Variants in AKR7A3 observed in about 807,000 individuals in gnomAD.
AKR7A3 encodes the protein AFB1 aldehyde reductase 2.
A neutral mutation model predicts 32.5 loss-of-function variants in AKR7A3; 37 were observed. That is an observed-to-expected ratio of 1.14 (90% CI 0.88 to 1.50). The LOEUF (loss-of-function observed/expected upper bound fraction) is 1.50. AKR7A3 is among the 40% of genes most tolerant of loss of function. The pLI, the probability that AKR7A3 is intolerant of heterozygous loss-of-function variation, is 0.00. For synonymous variants in AKR7A3, 177 were observed against 188.4 expected, an observed-to-expected ratio of 0.94 and a Z score of 0.50; for missense variants, 412 against 453.2, an observed-to-expected ratio of 0.91 and a Z score of 0.83.
At chr1:19,276,050 A>T in the AKR7A3 span, among the ~76,000 whole-genome samples, 50 of 151,914 alleles carry the variant, frequency 3.3e-4, 1 homozygote, top group African/African-American at 1.2e-3. Flanking sequence ...TAATTTACAG[A>T]AACTCGGTAA....
At position 19,282,817 on chromosome 1, in the gene AKR7A3, C is replaced by T; in HGVS notation, c.910G>A (p.Glu304Lys). The T allele has an allele frequency of 5.6e-6, 9 of 1,613,408 alleles. No homozygotes were observed. Among genetic ancestry groups the T allele is most frequent in the Non-Finnish European group, 7.6e-6 (9 of 1,180,002 alleles). The change falls in exon 7 of 7, where the codon GAA becomes AAA. Residue 304 changes from glutamate (E) to lysine (K), a missense_variant. Physicochemically the swap from Glu to Lys is moderately conservative, Grantham distance 56. Coordinates refer to ENST00000361640, the MANE Select transcript of AKR7A3 (RefSeq NM_012067.3). ...QLEQNLAAAE[E>K]GPLEPAVVDA... ...ACGACAGCCGGCTCCAGGGGCCCTT[C>T]CTCTGCCGCTGCCAAGTTCTGCTCC...
At chr1:19,285,140 G>A in intron 3 of AKR7A3, 26 bp from the exon 4 acceptor site, 1 of 1,608,628 alleles carries the variant, frequency 6.2e-7, no homozygotes, top group East Asian at 2.2e-5. Flanking sequence ...CCCCGGGGGA[G>A]AGGGTGGATG....
At chr1:19,280,839 G>C (rs760487300), downstream of AKR7A3, among the ~76,000 whole-genome samples, 3 of 151,764 alleles carry the variant, frequency 2.0e-5, no homozygotes, top group South Asian at 2.1e-4. Flanking sequence ...CAAAGTGCTG[G>C]GATTACAGGT....
chr1:19,284,541 G>A lies in AKR7A3; in HGVS notation c.704+145C>T, dbSNP rs558085391. ...GAGGTCCCAAGACAACAAGAAAACC[G>A]ATGGAGGGTTTGGAAATTCCCGAAG... On this transcript the variant is annotated intron_variant, in intron 5 of 6. Coordinates refer to ENST00000361640, the MANE Select transcript of AKR7A3 (RefSeq NM_012067.3). 453 of 924,154 alleles carry A rather than the reference G, an allele frequency of 4.9e-4. 8 individuals carry two copies. The African/African-American group carries it at 6.8e-3, about 14-fold the overall frequency. The allele number at this position is 924,154 out of a possible 1,614,324, so 57.2% of individuals were successfully genotyped here.
downstream of AKR7A3, among the ~76,000 whole-genome samples, chr1:19,281,146 T>C (rs746360981): frequency 6.6e-6 from 1 of 150,660 alleles, no homozygotes; most frequent in Non-Finnish European, 1.5e-5. Context: ...ATTCAAGCAA[T>C]TCTCCCTGCC....
the AKR7A3 span, among the ~76,000 whole-genome samples, chr1:19,274,484 G>C: frequency 5.9e-5 from 9 of 151,892 alleles, no homozygotes; most frequent in African/African-American, 2.2e-4. Flanking sequence ...CCAGGAGGGA[G>C]CTTAACGGGT....
Position 19,285,827 on chromosome 1 carries a change from A to G in AKR7A3, c.507+61T>C, listed in dbSNP as rs375399332. The G allele has an allele frequency of 1.4e-4, 217 of 1,603,338 alleles. No homozygotes were observed. The East Asian group carries it at 4.2e-3, about 31-fold the overall frequency. ...GGCACAGGGGGCAGTCAGAGGGGCA[A>G]AGACAGCCCAGGATGAGCAGGAGTT... On this transcript the variant is annotated intron_variant, in intron 3 of 6. Coordinates refer to ENST00000361640, the MANE Select transcript of AKR7A3 (RefSeq NM_012067.3).
At chr1:19,279,532 T>G (rs2093715822), downstream of AKR7A3, among the ~76,000 whole-genome samples, 1 of 151,956 alleles carries the variant, frequency 6.6e-6, no homozygotes, top group Non-Finnish European at 1.5e-5. Context: ...TTGTACCATT[T>G]TACATTCCCA....
intron 6 of AKR7A3, among the ~76,000 whole-genome samples, chr1:19,283,730 C>A (rs1309737297): frequency 1.3e-5 from 2 of 151,810 alleles, no homozygotes; most frequent in Non-Finnish European, 2.9e-5. Flanking sequence ...ACTGGGGAGG[C>A]TGAGACAAGA....
At chr1:19,284,837 C>T in intron 4 of AKR7A3, 52 bp from the exon 5 acceptor site, 1 of 1,595,220 alleles carries the variant, frequency 6.3e-7, no homozygotes, top group Admixed American at 1.7e-5. Flanking sequence ...CAGAAGCTGC[C>T]ACATCCCTCA....
the AKR7A3 span, among the ~76,000 whole-genome samples, chr1:19,276,881 G>GAGA: frequency 6.6e-6 from 1 of 151,786 alleles, no homozygotes; most frequent in Non-Finnish European, 1.5e-5. Context: ...GGAGGTTGAG[G>GAGA]CAGGCAGATC....
intron 3 of AKR7A3, among the ~76,000 whole-genome samples, 198 bp downstream of exon 3, chr1:19,285,690 G>C (rs976823324): frequency 6.6e-6 from 1 of 151,624 alleles, no homozygotes; most frequent in Non-Finnish European, 1.5e-5. Flanking sequence ...TGCACAGATA[G>C]GCAGGAAGGA....
At chr1:19,278,140 T>C (rs1211562110), downstream of AKR7A3, among the ~76,000 whole-genome samples, 1 of 151,854 alleles carries the variant, frequency 6.6e-6, no homozygotes, top group Non-Finnish European at 1.5e-5. Context: ...AGTTTTTTTG[T>C]GTGTGGTATG....
At chr1:19,283,130 G>A (rs1454391834) in intron 6 of AKR7A3, among the ~76,000 whole-genome samples, 5 of 148,642 alleles carry the variant, frequency 3.4e-5, no homozygotes, top group Admixed American at 1.4e-4. Flanking sequence ...CCCCCCAGCA[G>A]CTGTGTAAAC....
rs2995180 is a variant in AKR7A3, at chr1:19,285,882, T to C, written c.507+6A>G. The C allele has an allele frequency of 5.8e-5, 93 of 1,613,486 alleles. No individual in the cohort carries two copies. Among genetic ancestry groups the C allele is most frequent in the South Asian group, 5.6e-4 (51 of 90,992 alleles). ...AGACCTTGGCCTCTGCAGCCCTGGC[T>C]CTCACCTGGTACACAGTGGGCAGGA... On this transcript the variant is annotated splice_donor_region_variant and intron_variant, in intron 3 of 6. Coordinates refer to ENST00000361640, the MANE Select transcript of AKR7A3 (RefSeq NM_012067.3).
In AKR7A3 at chr1:19,282,664, A is replaced by T; in HGVS notation, c.*67T>A. 1.2e-6 allele frequency: 2 copies of T among 1,611,564 alleles called. No homozygotes were observed. The highest frequency in any genetic ancestry group is 2.2e-5 in the East Asian group (1 of 44,848). On this transcript the variant is annotated 3_prime_UTR_variant, in exon 7 of 7. Transcript: ENST00000361640. The stretch of plus-strand genomic sequence containing the variant: ...TAAGAATTTACTGAGGCAGTTCTAA[A>T]TTAAAGAAAATGTGAGTAACAAAAG...
chr1:19,287,687 G>A (rs1158166504), intron 1 of AKR7A3, among the ~76,000 whole-genome samples: 4 of 152,046 alleles, frequency 2.6e-5, no homozygotes, highest in African/African-American at 9.7e-5. Flanking sequence ...CCACACCCAT[G>A]CCCACTGCCC....
intron 1 of AKR7A3, among the ~76,000 whole-genome samples, chr1:19,287,174 T>C (rs2093732075): frequency 6.6e-6 from 1 of 151,294 alleles, no homozygotes; most frequent in South Asian, 2.1e-4. Flanking sequence ...CCGGGTGTGG[T>C]GCTACTGTAG....
chr1:19,277,612 C>T (rs2093713118), downstream of AKR7A3, among the ~76,000 whole-genome samples: 1 of 151,376 alleles, frequency 6.6e-6, no homozygotes. Flanking sequence ...ATCTCGGTGT[C>T]CCAGGTTCAA....
Sources: allele counts gnomAD v4.1 joint callset (sites outside exome capture counted in the v4.1 genomes callset), GRCh38; gene constraint gnomAD v4.1.1; transcripts MANE v1.5; gene names NCBI Gene and HGNC (gene_info 2026-07-23, HGNC 2026-07-21).